Variants in PRKCE observed in about 807,000 individuals in gnomAD.
The protein encoded by PRKCE is protein kinase C epsilon type.
Under a neutral mutation model 85.4 loss-of-function variants are expected in PRKCE, and 16 were observed. That is an observed-to-expected ratio of 0.19 (90% CI 0.13 to 0.28). PRKCE has a LOEUF of 0.28. PRKCE is among the 10% of genes least tolerant of loss of function. The pLI is 1.00. For synonymous variants in PRKCE, 388 were observed against 371.5 expected (o/e 1.04, Z -0.51); for missense variants, 573 against 975.2 (o/e 0.59, Z 5.49).
At chr2:46,014,027 A>C (rs1031460475) in intron 10 of PRKCE, among the ~76,000 whole-genome samples, 3 of 152,216 alleles carry the variant, frequency 2.0e-5, no homozygotes, top group Admixed American at 6.5e-5. Flanking sequence ...TTACAGCTGA[A>C]GAGAGATTTG....
intron 11 of PRKCE, among the ~76,000 whole-genome samples, chr2:46,131,835 G>T (rs1674489040): frequency 6.6e-6 from 1 of 152,112 alleles, no homozygotes; most frequent in African/African-American, 2.4e-5. Context: ...TGGAATTCTG[G>T]AACTCTCCTT....
chr2:45,999,915 C>T (rs1173530208), intron 6 of PRKCE, among the ~76,000 whole-genome samples: 1 of 152,166 alleles, frequency 6.6e-6, no homozygotes, highest in Admixed American at 6.5e-5. Flanking sequence ...TTCTTCATTT[C>T]TGTTAGTGTT....
intron 1 of PRKCE, among the ~76,000 whole-genome samples, chr2:45,801,099 C>T (rs1284165827): frequency 6.6e-6 from 1 of 151,972 alleles, no homozygotes; most frequent in Non-Finnish European, 1.5e-5. Context: ...GGAGTGTTCT[C>T]GGGTGTATAG....
chr2:45,824,491 C>T (rs13025657), intron 1 of PRKCE, among the ~76,000 whole-genome samples: 72,554 of 151,854 alleles, frequency 0.48, 17,464 homozygotes, highest in Middle Eastern at 0.54. Context: ...GGACTCCCTT[C>T]CCCAATTGAG....
rs565455556 is a variant in PRKCE at position 45,910,726 on chromosome 2, C to T, written c.413-65703C>T. ...CTATTTCCTACCTATTGGAGGTAGG[C>T]GGGTCCATGGTGAACAGGGAGGAAA... On this transcript the variant is annotated intron_variant, in intron 2 of 14. Transcript: ENST00000306156. Among the ~76,000 whole-genome samples, 4 of 151,986 alleles carry T rather than the reference C, an allele frequency of 2.6e-5. No homozygotes were observed. In the South Asian group the frequency reaches 8.3e-4, roughly 32 times the overall value.
intron 11 of PRKCE, among the ~76,000 whole-genome samples, chr2:46,105,600 C>G (rs556476027): frequency 2.6e-5 from 4 of 152,152 alleles, no homozygotes; most frequent in Non-Finnish European, 4.4e-5. Context: ...CTTCCAGCAT[C>G]ACTAGTGAAT....
intron 6 of PRKCE, among the ~76,000 whole-genome samples, chr2:45,990,096 C>T (rs1703668803): frequency 6.6e-6 from 1 of 152,212 alleles, no homozygotes; most frequent in African/African-American, 2.4e-5. Flanking sequence ...AGAGTTTCCG[C>T]TGGTCAGAAA....
chr2:45,813,271 C>T (rs914601178), intron 1 of PRKCE, among the ~76,000 whole-genome samples: 15 of 152,228 alleles, frequency 9.9e-5, no homozygotes, highest in Non-Finnish European at 1.0e-4. Flanking sequence ...CTTCATTCTG[C>T]GGGGACCTTG....
intron 2 of PRKCE, among the ~76,000 whole-genome samples, chr2:45,947,311 G>A (rs1193460413): frequency 6.6e-6 from 1 of 152,132 alleles, no homozygotes; most frequent in African/African-American, 2.4e-5. Context: ...GGAGCCAGGG[G>A]GTGGGGGAGA....
At chr2:46,152,753 T>A (rs945523257) in intron 13 of PRKCE, among the ~76,000 whole-genome samples, 1 of 152,140 alleles carries the variant, frequency 6.6e-6, no homozygotes, top group Non-Finnish European at 1.5e-5. Flanking sequence ...TTCGCCATGT[T>A]GGCCAGGCTG....
chr2:46,055,543 CTT>C (rs1261660797), intron 10 of PRKCE, among the ~76,000 whole-genome samples: 1 of 152,208 alleles, frequency 6.6e-6, no homozygotes, highest in African/African-American at 2.4e-5. Context: ...TTGTCTATAA[CTT>C]TGATTCTTTT....
chr2:45,956,932 A>T (rs962794830), intron 2 of PRKCE, among the ~76,000 whole-genome samples: 2 of 152,122 alleles, frequency 1.3e-5, no homozygotes, highest in Non-Finnish European at 2.9e-5. Context: ...TTTAATTAGC[A>T]TATATCTTTT....
intron 6 of PRKCE, among the ~76,000 whole-genome samples, chr2:45,999,921 G>C (rs908692474): frequency 6.6e-6 from 1 of 152,120 alleles, no homozygotes; most frequent in African/African-American, 2.4e-5. Flanking sequence ...ATTTCTGTTA[G>C]TGTTTTTGAT....
chr2:46,122,517 T>G lies in PRKCE; in HGVS notation c.1593-22576T>G, dbSNP rs139958473. 5.3e-5 allele frequency among the ~76,000 whole-genome samples: 8 copies of G among 152,312 alleles called. No individual in the cohort carries two copies. In the East Asian group the frequency reaches 1.5e-3, roughly 29 times the overall value. On this transcript the variant is annotated intron_variant, in intron 11 of 14. Transcript: ENST00000306156. ...TGCTGGGATTACAGGCATGAGTCAC[T>G]GCACCCAGCCCACTTATAGGTCTCT...
At chr2:45,849,673 G>T (rs1323634147) in intron 2 of PRKCE, among the ~76,000 whole-genome samples, 3 of 152,074 alleles carry the variant, frequency 2.0e-5, no homozygotes, top group Admixed American at 6.6e-5. Flanking sequence ...CCCTAGACAT[G>T]CATGGACATG....
chr2:45,657,638 A>G (rs1675439665), intron 1 of PRKCE, among the ~76,000 whole-genome samples: 1 of 152,162 alleles, frequency 6.6e-6, no homozygotes, highest in Non-Finnish European at 1.5e-5. Context: ...AGCTCTCTTC[A>G]GTCTGGCCAT....
At chr2:45,902,901 A>G (rs954425795) in intron 2 of PRKCE, among the ~76,000 whole-genome samples, 3 of 152,202 alleles carry the variant, frequency 2.0e-5, no homozygotes, top group African/African-American at 7.2e-5. Flanking sequence ...GAGTTTCTGG[A>G]CTGCAAGACT....
In PRKCE at chr2:46,086,270, C is replaced by T. The variant is rs768359081; in HGVS notation, c.1500C>T (p.Arg500=). ...GAGACCTCATGTTTCAGATTCAGCGCTCCCGAAAATTCGACGAGCCTCGTT... is the reference window on the plus strand; with the variant it reads ...GAGACCTCATGTTTCAGATTCAGCGTTCCCGAAAATTCGACGAGCCTCGTT... ...NGGDLMFQIQ[R]SRKFDEPRSR... is the part of the protein sequence containing the mutation. Residue 500 remains arginine, a synonymous_variant, in exon 11 of 15, where the codon CGC becomes CGT. Transcript: ENST00000306156. 3 of 1,599,712 alleles carry T rather than the reference C, an allele frequency of 1.9e-6. No individual in the cohort carries two copies. The South Asian group carries it at 3.3e-5, about 18-fold the overall frequency.
intron 10 of PRKCE, among the ~76,000 whole-genome samples, chr2:46,042,672 T>C (rs1708282299): frequency 6.6e-6 from 1 of 152,214 alleles, no homozygotes; most frequent in African/African-American, 2.4e-5. Flanking sequence ...AAGTAACTAA[T>C]GGGAGAAGAA....
Sources: gnomAD v4.1 joint callset for allele counts (sites outside exome capture counted in the v4.1 genomes callset) on GRCh38, gnomAD v4.1.1 for gene constraint, MANE v1.5 for transcripts, NCBI Gene and HGNC (gene_info 2026-07-23, HGNC 2026-07-21) for gene names.